ANGPTL4: variants seen among roughly 807,000 people sequenced by gnomAD.
ANGPTL4 encodes angiopoietin-related protein 4.
A neutral mutation model predicts 39.2 loss-of-function variants in ANGPTL4; 39 were observed. The observed-to-expected ratio is 1.00, with a 90% CI of 0.77 to 1.30. The LOEUF is 1.30. Ranked by LOEUF, ANGPTL4 falls within the 50% of genes most tolerant of loss-of-function variation. ANGPTL4 has a pLI of 0.00. For synonymous variants in ANGPTL4, 233 were observed against 229.5 expected (o/e 1.02, Z -0.14); for missense variants, 545 against 549.8 (o/e 0.99, Z 0.09).
chr19:8,372,874 T>C (rs1428576404), intron 6 of ANGPTL4, among the ~76,000 whole-genome samples: 1 of 151,936 alleles, frequency 6.6e-6, no homozygotes, highest in African/African-American at 2.4e-5. Context: ...CAAGAATCAC[T>C]TGAGCCCGTA....
At position 8,371,209 on chromosome 19, in the gene ANGPTL4, C is replaced by T; in HGVS notation, c.758-32C>T. 1 of 1,614,082 alleles carries T rather than the reference C, an allele frequency of 6.2e-7. No homozygotes were observed. Among genetic ancestry groups the T allele is most frequent in the Non-Finnish European group, 8.5e-7 (1 of 1,180,006 alleles). ...AGGAAGAGGGACCCTCAGAAGTGGC[C>T]CTGCCTCATGGAGTGGCCTCTCCCA... On this transcript the variant is annotated intron_variant, in intron 5 of 6. Transcript: ENST00000301455. The surrounding 1 kb of genome is among the most constrained non-coding windows in gnomAD (Gnocchi z 5.1).
rs1971175922 is a variant in ANGPTL4 at position 8,373,802 on chromosome 19, C to T, written c.1137C>T (p.Phe379=). The change falls in exon 7 of 7, where the codon TTC becomes TTT. Residue 379 remains phenylalanine (F), a synonymous_variant. Transcript: ENST00000301455. ...GGCAGAAGCTTAAGAAGGGAATCTT[C>T]TGGAAGACCTGGCGGGGCCGCTACT... ...QQRQKLKKGI[F]WKTWRGRYYP... 1 of 1,613,952 alleles carries T rather than the reference C, an allele frequency of 6.2e-7. No individual in the cohort carries two copies. The highest frequency in any genetic ancestry group is 8.5e-7 in the Non-Finnish European group (1 of 1,180,048).
rs1434142353 is a variant in ANGPTL4, at chr19:8,369,316, C to T, written c.645C>T (p.Asn215=). The T allele has an allele frequency of 2.5e-6, 4 of 1,611,782 alleles. No homozygotes were observed. The highest frequency in any genetic ancestry group is 8.5e-7 in the Non-Finnish European group (1 of 1,179,632). Residue 215 remains asparagine, a synonymous_variant, in exon 4 of 7, where the codon AAC becomes AAT. Coordinates refer to ENST00000301455, the MANE Select transcript of ANGPTL4 (RefSeq NM_139314.3). ...QPQGSPPFLV[N]CKMTSDGGWT... is the part of the protein sequence containing the mutation. Reference sequence around the variant, plus strand: ...AGGGGTCTCCGCCATTTTTGGTGAACTGCAAGATGACCTCAGGTAGGGTGT... The same window carrying T: ...AGGGGTCTCCGCCATTTTTGGTGAATTGCAAGATGACCTCAGGTAGGGTGT...
Position 8,364,528 on chromosome 19 carries a change from G to GGAGCGGCGCCT in ANGPTL4, c.213_223dup (p.Ala75GlyfsTer3). ...GCACCCGCAGTCAGCTGAGCGCGCTGGAGCGGCGCCTGAGCGCGTGCGGGT... is the reference window on the plus strand; with the variant it reads ...GCACCCGCAGTCAGCTGAGCGCGCTGGAGCGGCGCCTGAGCGGCGCCTGAGCGCGTGCGGGT... On this transcript the variant is annotated frameshift_variant, in exon 1 of 7. Transcript: ENST00000301455. LOFTEE classifies it high-confidence loss of function. 2 of 1,569,118 alleles carry GGAGCGGCGCCT rather than the reference G, an allele frequency of 1.3e-6. No individual in the cohort carries two copies. The highest frequency in any genetic ancestry group is 1.7e-6 in the Non-Finnish European group (2 of 1,158,358).
rs187620880 is a variant in ANGPTL4, at chr19:8,370,005, C to A, written c.661+673C>A. Reference sequence around the variant, plus strand: ...AGATCACGAGGTCAGGAGTTCGAGACCAGCCTGACCAACATGGTGAAACCC... The same window carrying A: ...AGATCACGAGGTCAGGAGTTCGAGAACAGCCTGACCAACATGGTGAAACCC... On this transcript the variant is annotated intron_variant, in intron 4 of 6. Coordinates refer to ENST00000301455, the MANE Select transcript of ANGPTL4 (RefSeq NM_139314.3). Among the ~76,000 whole-genome samples the A allele has an allele frequency of 3.3e-3, 504 of 151,946 alleles. 3 individuals are homozygous for A. The highest frequency in any genetic ancestry group is 0.011 in the African/African-American group (472 of 41,460).
intron 4 of ANGPTL4, among the ~76,000 whole-genome samples, chr19:8,370,625 C>T (rs1036473001): frequency 4.0e-5 from 6 of 148,378 alleles, no homozygotes; most frequent in African/African-American, 7.5e-5. Context: ...GCTTGAGCCC[C>T]GAAGGCAGAG....
Position 8,366,186 on chromosome 19 carries a change from T to G in ANGPTL4, c.430-16T>G. ...GGCCAGGCAGGACCTGACACCCTCCTCCCGTCCCATCCTAGTTTGGCCTCC... is the reference window on the plus strand; with the variant it reads ...GGCCAGGCAGGACCTGACACCCTCCGCCCGTCCCATCCTAGTTTGGCCTCC... On this transcript the variant is annotated splice_polypyrimidine_tract_variant and intron_variant, in intron 2 of 6. Coordinates refer to ENST00000301455, the MANE Select transcript of ANGPTL4 (RefSeq NM_139314.3). 6.2e-7 allele frequency: 1 copy of G among 1,613,620 alleles called. No homozygotes were observed. Among genetic ancestry groups the G allele is most frequent in the Non-Finnish European group, 8.5e-7 (1 of 1,179,786 alleles).
Position 8,370,410 on chromosome 19 carries a change from T to G in ANGPTL4, c.662-646T>G, listed in dbSNP as rs780576421. On this transcript the variant is annotated intron_variant, in intron 4 of 6. Transcript: ENST00000301455. ...CCAACCTGGGCAACACAACAAAACC[T>G]CGTTTCTAAAAAAAAACAAAGGCTG... Among the ~76,000 whole-genome samples, 5 of 150,712 alleles carry G rather than the reference T, an allele frequency of 3.3e-5. No individual in the cohort carries two copies. The South Asian group carries it at 1.0e-3, about 32-fold the overall frequency.
intron 3 of ANGPTL4, among the ~76,000 whole-genome samples, chr19:8,368,036 T>TTTTTTTTTTG: frequency 6.6e-6 from 1 of 150,994 alleles, no homozygotes. Context: ...TTTTTTTTTT[T>TTTTTTTTTTG]GAGACAGAGT....
chr19:8,374,122 A>G lies in ANGPTL4; in HGVS notation c.*236A>G. 1 of 531,692 alleles carries G rather than the reference A, an allele frequency of 1.9e-6. No homozygotes were observed. The highest frequency in any genetic ancestry group is 5.1e-4 in the Middle Eastern group (1 of 1,964). The allele number at this position is 531,692 out of a possible 1,614,324, so 32.9% of individuals were successfully genotyped here. A position where few individuals can be genotyped will look rare whatever the true frequency, so the allele number is the denominator to read the frequency against. ...GCTCAGACTCTAGAGGCGTGGACCAAGGGGCATGGAGCTTCACTCCTTGCT... is the reference window on the plus strand; with the variant it reads ...GCTCAGACTCTAGAGGCGTGGACCAGGGGGCATGGAGCTTCACTCCTTGCT... On this transcript the variant is annotated 3_prime_UTR_variant, in exon 7 of 7. Transcript: ENST00000301455.
intron 1 of ANGPTL4, among the ~76,000 whole-genome samples, chr19:8,364,984 C>T (rs1426501164): frequency 1.3e-5 from 2 of 152,180 alleles, no homozygotes; most frequent in Admixed American, 1.3e-4. Flanking sequence ...GCCTGGCCAA[C>T]ATGGAGAAAC....
At chr19:8,367,479 T>C (rs1048025127) in intron 3 of ANGPTL4, among the ~76,000 whole-genome samples, 2 of 151,738 alleles carry the variant, frequency 1.3e-5, no homozygotes, top group African/African-American at 4.8e-5. Context: ...TGCCCATCCT[T>C]ACTGGATGGG....
Position 8,373,856 on chromosome 19 carries a change from C to T in ANGPTL4, c.1191C>T (p.Ile397=), listed in dbSNP as rs1348010465. The change falls in exon 7 of 7, where the codon ATC becomes ATT. Residue 397 remains isoleucine (I), a synonymous_variant. Coordinates refer to ENST00000301455, the MANE Select transcript of ANGPTL4 (RefSeq NM_139314.3). ...CGCTGCAGGCCACCACCATGTTGATCCAGCCCATGGCAGCAGAGGCAGCCT... is the reference window on the plus strand; with the variant it reads ...CGCTGCAGGCCACCACCATGTTGATTCAGCCCATGGCAGCAGAGGCAGCCT... ...YYPLQATTML[I]QPMAAEAAS is the part of the protein sequence containing the mutation. The T allele has an allele frequency of 1.2e-6, 2 of 1,613,730 alleles. No homozygotes were observed. Among genetic ancestry groups the T allele is most frequent in the East Asian group, 2.2e-5 (1 of 44,870 alleles).
chr19:8,364,562 C>G lies in ANGPTL4; in HGVS notation c.241C>G (p.Gln81Glu), dbSNP rs1970960461. Residue 81 changes from glutamine (Q) to glutamate (E), a missense_variant, in exon 1 of 7, where the codon CAG becomes GAG. By Grantham distance (29) the Gln-to-Glu change is conservative. Transcript: ENST00000301455. ...CCTGAGCGCGTGCGGGTCCGCCTGTCAGGGAACCGAGGGGTCCACCGACCT... is the reference window on the plus strand; with the variant it reads ...CCTGAGCGCGTGCGGGTCCGCCTGTGAGGGAACCGAGGGGTCCACCGACCT... ...RRLSACGSACQGTEGSTDLPL... is the reference protein window; with the variant it reads ...RRLSACGSACEGTEGSTDLPL... 1 of 1,582,520 alleles carries G rather than the reference C, an allele frequency of 6.3e-7. No individual in the cohort carries two copies.
intron 6 of ANGPTL4, 86 bp from the exon 7 acceptor site, chr19:8,373,619 T>G: frequency 6.3e-7 from 1 of 1,583,180 alleles, no homozygotes; most frequent in South Asian, 1.1e-5. Context: ...CCAACCTGCC[T>G]CATCCTCAAC....
Position 8,374,330 on chromosome 19 carries a change from G to A in ANGPTL4, c.*444G>A, listed in dbSNP as rs538223504. On this transcript the variant is annotated 3_prime_UTR_variant, in exon 7 of 7. Coordinates refer to ENST00000301455, the MANE Select transcript of ANGPTL4 (RefSeq NM_139314.3). ...AAGCAGGCGCCAATGGTATCTGGGC[G>A]GAGCTCACAGAGTTCTTGGAATAAA... 2 of 175,670 alleles carry A rather than the reference G, an allele frequency of 1.1e-5. No individual in the cohort carries two copies. The highest frequency in any genetic ancestry group is 1.6e-4 in the East Asian group (1 of 6,418). 10.9% of individuals were successfully genotyped at this position (175,670 alleles called of 1,614,324 possible).
intron 1 of ANGPTL4, 45 bp from the exon 2 acceptor site, chr19:8,365,909 G>C: frequency 1.4e-6 from 2 of 1,447,704 alleles, no homozygotes; most frequent in Non-Finnish European, 1.9e-6. Flanking sequence ...TAAGAGGTTG[G>C]GGTAGGCAAG....
rs1348684847 is a variant in ANGPTL4, at chr19:8,364,365, C to T, written c.44C>T (p.Ala15Val). 3.2e-6 allele frequency: 5 copies of T among 1,547,748 alleles called. No homozygotes were observed. Among genetic ancestry groups the T allele is most frequent in the East Asian group, 2.4e-5 (1 of 41,840 alleles). ...GCCGGGGCAGCCCTGATGCTCTGCG[C>T]CGCCACCGCCGTGCTACTGAGCGCT... ...PTAGAALMLC[A>V]ATAVLLSAQG... Residue 15 changes from alanine (A) to valine (V), a missense_variant, in exon 1 of 7, where the codon GCC (alanine) becomes GTC (valine). Transcript: ENST00000301455.
At position 8,369,301 on chromosome 19, in the gene ANGPTL4, G is replaced by A. The variant is rs35571542; in HGVS notation, c.630G>A (p.Pro210=). ...TTGAAATCCAGCCTCAGGGGTCTCC[G>A]CCATTTTTGGTGAACTGCAAGATGA... ...GLFEIQPQGS[P]PFLVNCKMTS... is the part of the protein sequence containing the mutation. Residue 210 remains proline (P), a synonymous_variant, in exon 4 of 7, where the codon CCG becomes CCA. Coordinates refer to ENST00000301455, the MANE Select transcript of ANGPTL4 (RefSeq NM_139314.3). 6.1e-3 allele frequency: 9,909 copies of A among 1,611,874 alleles called. 464 individuals are homozygous for A. In the African/African-American group the frequency reaches 0.11, roughly 18 times the overall value.
Sources: gnomAD v4.1 joint callset for allele counts (sites outside exome capture counted in the v4.1 genomes callset) on GRCh38, gnomAD v4.1.1 for gene constraint, Gnocchi (gnomAD v3.1) non-coding constraint, MANE v1.5 for transcripts, NCBI Gene and HGNC (gene_info 2026-07-23, HGNC 2026-07-21) for gene names.